G2E3: variants seen among roughly 807,000 people sequenced by gnomAD.
G2E3 encodes the protein G2/M-phase specific E3 ubiquitin protein ligase, also known as G2/M phase-specific E3 ubiquitin-protein ligase.
A neutral mutation model predicts 92.8 loss-of-function variants in G2E3; 35 were observed. That is an observed-to-expected ratio of 0.38 (90% CI 0.29 to 0.50). The LOEUF (loss-of-function observed/expected upper bound fraction) is 0.50, where lower values mean the gene tolerates loss of function less well. Ranked by LOEUF, G2E3 falls within the 20% of genes least tolerant of loss-of-function variation. G2E3 has a pLI of 0.94. For missense variants in G2E3, 554 were observed against 823.8 expected, an observed-to-expected ratio of 0.67 and a Z score of 4.01; for synonymous variants, 242 against 272.4, an observed-to-expected ratio of 0.89 and a Z score of 1.10.
In G2E3 at chr14:30,616,538, G is replaced by T; in HGVS notation, c.*4G>T. 6.4e-7 allele frequency: 1 copy of T among 1,574,020 alleles called. No individual in the cohort carries two copies. The highest frequency in any genetic ancestry group is 8.6e-7 in the Non-Finnish European group (1 of 1,159,798). On this transcript the variant is annotated 3_prime_UTR_variant, in exon 15 of 15. Transcript: ENST00000206595. ...TTCTCATTACATTGGACATTAAAATGTTTCCTTGAACAAAGAGAAGCTTCT... is the reference window on the plus strand; with the variant it reads ...TTCTCATTACATTGGACATTAAAATTTTTCCTTGAACAAAGAGAAGCTTCT...
intron 3 of G2E3, among the ~76,000 whole-genome samples, chr14:30,589,052 GTTCT>G (rs1055417497): frequency 1.5e-4 from 23 of 152,006 alleles, no homozygotes; most frequent in Admixed American, 4.6e-4. Flanking sequence ...AATTGTAGGT[GTTCT>G]TTCTTTCTTT....
chr14:30,604,902 TCA>T (rs1491548583), intron 10 of G2E3, among the ~76,000 whole-genome samples: 2,553 of 152,008 alleles, frequency 0.017, 90 homozygotes, highest in African/African-American at 0.058. Flanking sequence ...ATTCATTCAT[TCA>T]TTCATTTATG....
intron 2 of G2E3, among the ~76,000 whole-genome samples, chr14:30,581,687 G>A (rs545112402): frequency 7.2e-5 from 11 of 152,258 alleles, no homozygotes; most frequent in Middle Eastern, 6.8e-3. Context: ...AAGTGACAGA[G>A]CGAGACCCTG....
intron 6 of G2E3, among the ~76,000 whole-genome samples, chr14:30,595,724 G>A (rs979916178): frequency 5.3e-5 from 8 of 152,026 alleles, no homozygotes; most frequent in Non-Finnish European, 7.4e-5. Context: ...CTCTGGTATC[G>A]GTCTTAACTG....
At chr14:30,610,265 A>G (rs1882024477) in intron 12 of G2E3, among the ~76,000 whole-genome samples, 1 of 152,232 alleles carries the variant, frequency 6.6e-6, no homozygotes, top group South Asian at 2.1e-4. Context: ...AGAACACAGA[A>G]GATAAACAAC....
rs1882485677 is a variant in G2E3 at position 30,619,936 on chromosome 14, TGA to T, written c.*3407_*3408del. ...ACAAGATTCCTTTACTCTCCACATTTGAGAGATCCTATAAGCAAGCAGTTAGT... is the reference window on the plus strand; with the variant it reads ...ACAAGATTCCTTTACTCTCCACATTTGAGATCCTATAAGCAAGCAGTTAGT... On this transcript the variant is annotated 3_prime_UTR_variant, in exon 15 of 15. Transcript: ENST00000206595. 1 of 152,196 alleles carries T rather than the reference TGA, an allele frequency of 6.6e-6. No homozygotes were observed. Among genetic ancestry groups the T allele is most frequent in the Admixed American group, 6.5e-5 (1 of 15,280 alleles). 9.4% of individuals were successfully genotyped at this position (152,196 alleles called of 1,614,324 possible).
intron 12 of G2E3, 27 bp downstream of exon 12, chr14:30,608,096 T>C (rs1881916512): frequency 1.5e-6 from 2 of 1,316,974 alleles, no homozygotes; most frequent in African/African-American, 1.5e-5. Flanking sequence ...TTTATTAAAA[T>C]GCACACTACA....
chr14:30,598,792 T>C (rs1243442765), intron 8 of G2E3, among the ~76,000 whole-genome samples, 193 bp downstream of exon 8: 1 of 152,248 alleles, frequency 6.6e-6, no homozygotes, highest in Non-Finnish European at 1.5e-5. Flanking sequence ...AGTTGTAACC[T>C]ATTTCTCTGT....
In G2E3 at chr14:30,592,438, G is replaced by A. The variant is rs1186572990; in HGVS notation, c.353G>A (p.Gly118Asp). Residue 118 changes from glycine (G) to aspartate (D), a missense_variant, in exon 5 of 15, where the codon GGC becomes GAC. By Grantham distance (94) the Gly-to-Asp change is moderately conservative (BLOSUM62 -1). Coordinates refer to ENST00000206595, the MANE Select transcript of G2E3 (RefSeq NM_017769.5). ...AGAGAATGTATTTTCCAGTTTACTG[G>A]CAATTTTGCGTGAGTTATTTAACTG... Reference protein sequence around the residue: ...LQRECIFQFTGNFASFCWDHR... With the variant: ...LQRECIFQFTDNFASFCWDHR... The A allele has an allele frequency of 1.3e-6, 2 of 1,579,198 alleles. No homozygotes were observed. Among genetic ancestry groups the A allele is most frequent in the South Asian group, 2.3e-5 (2 of 85,240 alleles).
chr14:30,582,626 G>A (rs1275205138), intron 2 of G2E3, among the ~76,000 whole-genome samples: 2 of 152,172 alleles, frequency 1.3e-5, no homozygotes, highest in Non-Finnish European at 2.9e-5. Context: ...GCACACTTGC[G>A]GGTAAAAGTG....
chr14:30,585,606 A>C (rs1880670920), intron 2 of G2E3, among the ~76,000 whole-genome samples: 1 of 146,234 alleles, frequency 6.8e-6, no homozygotes, highest in Non-Finnish European at 1.5e-5. Context: ...TGGTTAGTCT[A>C]GTTAAAGGTT....
At chr14:30,572,491 C>A (rs1376953991) in intron 1 of G2E3, among the ~76,000 whole-genome samples, 2 of 152,076 alleles carry the variant, frequency 1.3e-5, no homozygotes, top group Non-Finnish European at 1.5e-5. Context: ...GAAATTAATG[C>A]ACATTTGTAG....
At chr14:30,594,921 G>T (rs1003991884) in intron 6 of G2E3, among the ~76,000 whole-genome samples, 2 of 151,012 alleles carry the variant, frequency 1.3e-5, no homozygotes, top group African/African-American at 4.9e-5. Flanking sequence ...CTGAGGTCAG[G>T]AGTTCGAGAC....
chr14:30,585,683 T>C (rs929193948), intron 2 of G2E3, among the ~76,000 whole-genome samples: 2 of 152,010 alleles, frequency 1.3e-5, no homozygotes, highest in African/African-American at 4.8e-5. Flanking sequence ...GTTTTTCCAT[T>C]CTCTATTTTG....
At chr14:30,560,879 G>T in intron 1 of G2E3, 1 of 693,482 alleles carries the variant, frequency 1.4e-6, no homozygotes, top group South Asian at 1.5e-5. Flanking sequence ...ACACTGATTT[G>T]ATCTTTCCTA....
intron 13 of G2E3, among the ~76,000 whole-genome samples, chr14:30,613,703 T>G (rs537111806): frequency 9.2e-5 from 14 of 152,096 alleles, no homozygotes; most frequent in Non-Finnish European, 1.2e-4. Context: ...ATTTTGTTTT[T>G]TTTTTTAAAA....
At chr14:30,572,675 T>C (rs769429052) in intron 1 of G2E3, among the ~76,000 whole-genome samples, 1 of 152,180 alleles carries the variant, frequency 6.6e-6, no homozygotes, top group Non-Finnish European at 1.5e-5. Context: ...TCAGATGATA[T>C]CTAATCTTAT....
At chr14:30,599,948 G>T (rs1441865594) in intron 8 of G2E3, among the ~76,000 whole-genome samples, 2 of 152,118 alleles carry the variant, frequency 1.3e-5, no homozygotes, top group South Asian at 2.1e-4. Context: ...TTACTCTTTT[G>T]TAATGTCAGT....
chr14:30,600,774 T>A (rs1308525634), intron 8 of G2E3, among the ~76,000 whole-genome samples: 4 of 152,206 alleles, frequency 2.6e-5, no homozygotes, highest in African/African-American at 9.6e-5. Flanking sequence ...TGAAGCTAGA[T>A]AAACTGAAAT....
Sources: allele counts gnomAD v4.1 joint callset (sites outside exome capture counted in the v4.1 genomes callset), GRCh38; gene constraint gnomAD v4.1.1; transcripts MANE v1.5; gene names NCBI Gene and HGNC (gene_info 2026-07-23, HGNC 2026-07-21).